RTN4: variants seen among roughly 807,000 people sequenced by gnomAD.
The protein encoded by RTN4 is reticulon-4.
Under a neutral mutation model 90.4 loss-of-function variants are expected in RTN4, and 32 were observed. That is an observed-to-expected ratio of 0.35 (90% CI 0.27 to 0.48). The LOEUF (loss-of-function observed/expected upper bound fraction) is 0.48. RTN4 is among the 20% of genes least tolerant of loss of function. The pLI is 0.99. For missense variants in RTN4, 1,706 were observed against 1,430.2 expected, an observed-to-expected ratio of 1.19 and a Z score of -3.11; for synonymous variants, 629 against 552.5, an observed-to-expected ratio of 1.14 and a Z score of -1.94.
chr2:55,030,683 C>T (rs982129955), intron 1 of RTN4, among the ~76,000 whole-genome samples: 5 of 152,230 alleles, frequency 3.3e-5, no homozygotes, highest in African/African-American at 9.6e-5. Context: ...GCCAGAGGGT[C>T]AAAACATCTA....
chr2:55,040,504 A>G (rs1682998346), intron 1 of RTN4, among the ~76,000 whole-genome samples: 1 of 152,174 alleles, frequency 6.6e-6, no homozygotes, highest in Non-Finnish European at 1.5e-5. Flanking sequence ...GAACTCAATA[A>G]TGGCACCTTC....
At chr2:55,117,729 G>T in the RTN4 span, among the ~76,000 whole-genome samples, 1 of 152,192 alleles carries the variant, frequency 6.6e-6, no homozygotes, top group East Asian at 1.9e-4. Flanking sequence ...TCAAGAATAG[G>T]CAAACTACTC....
At chr2:55,119,042 G>C in the RTN4 span, among the ~76,000 whole-genome samples, 3 of 152,180 alleles carry the variant, frequency 2.0e-5, no homozygotes, top group Non-Finnish European at 2.9e-5. Context: ...GAGCTGCCTG[G>C]GGCCCCTTCC....
At position 55,027,200 on chromosome 2, in the gene RTN4, A is replaced by G; in HGVS notation, c.899T>C (p.Met300Thr). 1.2e-6 allele frequency: 2 copies of G among 1,613,700 alleles called. No homozygotes were observed. The highest frequency in any genetic ancestry group is 1.7e-6 in the Non-Finnish European group (2 of 1,179,810). The change falls in exon 3 of 9, where the codon ATG becomes ACG. Residue 300 changes from methionine (M) to threonine (T), a missense_variant. Coordinates refer to ENST00000337526, the MANE Select transcript of RTN4 (RefSeq NM_020532.5). ...TEFSELEYSE[M>T]GSSFSVSPKA... is the part of the protein sequence containing the mutation. The stretch of plus-strand genomic sequence containing the variant: ...TGGAGAGACACTGAACGATGATCCC[A>G]TTTCTGAGTATTCTAATTCTGAAAA...
In RTN4 at chr2:55,025,349, T is replaced by G; in HGVS notation, c.2750A>C (p.His917Pro). 2 of 1,613,960 alleles carry G rather than the reference T, an allele frequency of 1.2e-6. No homozygotes were observed. Among genetic ancestry groups the G allele is most frequent in the South Asian group, 1.1e-5 (1 of 91,082 alleles). The change falls in exon 3 of 9, where the codon CAT (histidine) becomes CCT (proline). Residue 917 changes from histidine to proline, a missense_variant. His to Pro is a moderately conservative substitution (Grantham distance 77). Coordinates refer to ENST00000337526, the MANE Select transcript of RTN4 (RefSeq NM_020532.5). ...AGSLPCTELP[H>P]DLSLKNIQPK... is the part of the protein sequence containing the mutation. ...TTGTATGTTCTTCAAAGAAAGGTCA[T>G]GGGGCAATTCTGTGCAAGGCAATGA...
chr2:55,052,508 T>C (rs1252575003), upstream of RTN4, among the ~76,000 whole-genome samples: 1 of 152,228 alleles, frequency 6.6e-6, no homozygotes, highest in Non-Finnish European at 1.5e-5. Context: ...ACTGGCTTTA[T>C]TTGTGCAAAA....
the RTN4 span, among the ~76,000 whole-genome samples, chr2:55,127,541 C>A: frequency 1.3e-5 from 2 of 152,186 alleles, no homozygotes; most frequent in African/African-American, 2.4e-5. Flanking sequence ...AACGCTAAGT[C>A]CATATTATAC....
intron 1 of RTN4, among the ~76,000 whole-genome samples, chr2:55,093,351 A>C (rs998471488): frequency 1.3e-5 from 2 of 150,650 alleles, no homozygotes; most frequent in Admixed American, 6.6e-5. Flanking sequence ...ACACATAAAC[A>C]TATGTGTGTA....
At chr2:54,982,348 C>T (rs1354510980) in intron 5 of RTN4, among the ~76,000 whole-genome samples, 167 bp downstream of exon 5, 1 of 152,126 alleles carries the variant, frequency 6.6e-6, no homozygotes, top group African/African-American at 2.4e-5. Flanking sequence ...AATAGCACTT[C>T]TTCATCCTTA....
chr2:55,080,923 C>T (rs1046948877), intron 1 of RTN4, among the ~76,000 whole-genome samples: 3 of 152,078 alleles, frequency 2.0e-5, no homozygotes, highest in African/African-American at 7.2e-5. Context: ...CTTTTGAAAA[C>T]CTTTTGGACT....
chr2:55,095,521 T>C (rs904770282), intron 1 of RTN4, among the ~76,000 whole-genome samples: 1 of 152,182 alleles, frequency 6.6e-6, no homozygotes, highest in South Asian at 2.1e-4. Flanking sequence ...TTTTTTTCTT[T>C]TCTTTCAGTG....
intron 1 of RTN4, among the ~76,000 whole-genome samples, chr2:55,087,408 T>C (rs1157768247): frequency 2.0e-5 from 3 of 152,368 alleles, no homozygotes; most frequent in South Asian, 2.1e-4. Context: ...TTTTACAACA[T>C]ATGGATATAT....
At chr2:55,125,406 C>A in the RTN4 span, among the ~76,000 whole-genome samples, 2 of 152,164 alleles carry the variant, frequency 1.3e-5, no homozygotes, top group Non-Finnish European at 2.9e-5. Flanking sequence ...GGAACTTGAA[C>A]AGATTTATAA....
At chr2:55,059,008 C>A (rs934586258) in intron 2 of RTN4, among the ~76,000 whole-genome samples, 5 of 152,060 alleles carry the variant, frequency 3.3e-5, no homozygotes, top group African/African-American at 1.2e-4. Context: ...CATGCCTGGC[C>A]TAAGTTTTGG....
chr2:54,992,791 C>T (rs537058337), intron 3 of RTN4, among the ~76,000 whole-genome samples: 15 of 152,056 alleles, frequency 9.9e-5, no homozygotes, highest in Non-Finnish European at 1.6e-4. Context: ...AACATATGGC[C>T]GGGCGTGGTG....
chr2:55,100,660 A>T (rs1441284455), intron 1 of RTN4, among the ~76,000 whole-genome samples: 2 of 152,098 alleles, frequency 1.3e-5, no homozygotes, highest in Non-Finnish European at 2.9e-5. Context: ...TAGTTAAATC[A>T]AAGTTTATTT....
At chr2:55,061,253 G>A (rs1387505622) in intron 2 of RTN4, among the ~76,000 whole-genome samples, 6 of 151,842 alleles carry the variant, frequency 4.0e-5, no homozygotes. Context: ...TAGTAGGGAC[G>A]GGGTTTCACC....
chr2:55,022,553 C>G (rs2104843852), intron 3 of RTN4, among the ~76,000 whole-genome samples: 1 of 152,228 alleles, frequency 6.6e-6, no homozygotes. Context: ...ATGCTGCTTC[C>G]AGACTTTTAT....
At chr2:55,039,289 T>C (rs955944067) in intron 1 of RTN4, among the ~76,000 whole-genome samples, 3 of 152,122 alleles carry the variant, frequency 2.0e-5, no homozygotes, top group Non-Finnish European at 2.9e-5. Context: ...AATAAAAACA[T>C]TAAGGTGAAA....
Sources: gnomAD v4.1 joint callset for allele counts (sites outside exome capture counted in the v4.1 genomes callset) on GRCh38, gnomAD v4.1.1 for gene constraint, MANE v1.5 for transcripts, NCBI Gene and HGNC (gene_info 2026-07-23, HGNC 2026-07-21) for gene names.